RAB3C: variants seen among roughly 807,000 people sequenced by gnomAD.
The protein encoded by RAB3C is ras-related protein Rab-3C.
A neutral mutation model predicts 26.4 loss-of-function variants in RAB3C; 17 were observed. The observed-to-expected ratio is 0.64, with a 90% CI of 0.44 to 0.97. The LOEUF is 0.97. Ranked by LOEUF, RAB3C falls within the 50% of genes least tolerant of loss-of-function variation. The pLI is 0.00. For missense variants in RAB3C, 242 were observed against 281.9 expected (o/e 0.86, Z 1.01); for synonymous variants, 91 against 95.9 (o/e 0.95, Z 0.30).
chr5:58,763,679 CT>C (rs1487517738), intron 3 of RAB3C, among the ~76,000 whole-genome samples: 3 of 152,220 alleles, frequency 2.0e-5, no homozygotes, highest in African/African-American at 7.2e-5. Flanking sequence ...GCAGTTCCCC[CT>C]TCCCTGGTTT....
intron 2 of RAB3C, among the ~76,000 whole-genome samples, chr5:58,722,708 A>G (rs1353807853): frequency 6.6e-6 from 1 of 151,818 alleles, no homozygotes. Flanking sequence ...TCACAGCTGG[A>G]TATACTGCTA....
chr5:58,605,837 A>G (rs1746553998), intron 1 of RAB3C, among the ~76,000 whole-genome samples: 1 of 152,152 alleles, frequency 6.6e-6, no homozygotes, highest in East Asian at 1.9e-4. Flanking sequence ...CCCGGGAGGT[A>G]GAGGTTGCGG....
At chr5:58,785,575 A>C (rs539870940) in intron 3 of RAB3C, among the ~76,000 whole-genome samples, 2 of 152,274 alleles carry the variant, frequency 1.3e-5, no homozygotes, top group South Asian at 4.2e-4. Flanking sequence ...TGGCTAGAGA[A>C]CTCACATTTC....
intron 3 of RAB3C, among the ~76,000 whole-genome samples, chr5:58,788,942 TC>T (rs1005197474): frequency 2.0e-5 from 3 of 152,042 alleles, no homozygotes; most frequent in African/African-American, 7.2e-5. Context: ...ATGATACCAC[TC>T]AGACGAAGGG....
At chr5:58,699,352 G>A (rs1192719491) in intron 2 of RAB3C, among the ~76,000 whole-genome samples, 1 of 152,228 alleles carries the variant, frequency 6.6e-6, no homozygotes, top group Admixed American at 6.5e-5. Context: ...TCCCAGAGGA[G>A]CAGCCACCTA....
chr5:58,715,897 A>T (rs774091730), intron 2 of RAB3C, among the ~76,000 whole-genome samples: 3 of 152,074 alleles, frequency 2.0e-5, no homozygotes, highest in Non-Finnish European at 2.9e-5. Context: ...ATGCCCTGGA[A>T]GAGTGAATTT....
intron 2 of RAB3C, among the ~76,000 whole-genome samples, chr5:58,684,605 ATCT>A (rs993575036): frequency 4.6e-5 from 7 of 152,190 alleles, no homozygotes; most frequent in Non-Finnish European, 1.0e-4. Flanking sequence ...AAGGTAAAGG[ATCT>A]TCTTAATGGA....
At chr5:58,754,671 C>T (rs904360169) in intron 3 of RAB3C, among the ~76,000 whole-genome samples, 1 of 152,160 alleles carries the variant, frequency 6.6e-6, no homozygotes, top group African/African-American at 2.4e-5. Context: ...AACCACAGCA[C>T]CAAAGAGGAA....
At chr5:58,788,715 T>C (rs1742451518) in intron 3 of RAB3C, among the ~76,000 whole-genome samples, 1 of 152,174 alleles carries the variant, frequency 6.6e-6, no homozygotes, top group South Asian at 2.1e-4. Flanking sequence ...ATAATGTTCT[T>C]TTCTAAGTAA....
At chr5:58,696,343 T>C (rs1031180243) in intron 2 of RAB3C, among the ~76,000 whole-genome samples, 1 of 152,216 alleles carries the variant, frequency 6.6e-6, no homozygotes, top group African/African-American at 2.4e-5. Context: ...TATTGAGGAT[T>C]TTTCCATCGA....
intron 3 of RAB3C, among the ~76,000 whole-genome samples, chr5:58,785,693 C>T (rs994326): frequency 0.54 from 81,669 of 152,076 alleles, 22,239 homozygotes; most frequent in South Asian, 0.63. Flanking sequence ...ATCTCTAGGA[C>T]CTGTGAATGT....
intron 3 of RAB3C, among the ~76,000 whole-genome samples, chr5:58,792,713 G>A (rs1742556536): frequency 6.6e-6 from 1 of 151,846 alleles, no homozygotes; most frequent in African/African-American, 2.4e-5. Context: ...ATTGTGATGT[G>A]GAATGAATAA....
intron 3 of RAB3C, among the ~76,000 whole-genome samples, chr5:58,797,546 T>C (rs1742701438): frequency 6.6e-6 from 1 of 151,712 alleles, no homozygotes. Flanking sequence ...TTGGAAAAGA[T>C]AAACGTCCTC....
chr5:58,724,700 A>G (rs548572932), intron 2 of RAB3C, among the ~76,000 whole-genome samples: 8 of 151,958 alleles, frequency 5.3e-5, no homozygotes, highest in Non-Finnish European at 1.2e-4. Flanking sequence ...AGAATTTTTC[A>G]GAATATTGCA....
chr5:58,748,174 A>G (rs1410375142), intron 3 of RAB3C, among the ~76,000 whole-genome samples: 2 of 146,416 alleles, frequency 1.4e-5, no homozygotes, highest in Non-Finnish European at 3.0e-5. Flanking sequence ...CATTACCCAG[A>G]AAGAATTTCA....
At chr5:58,661,203 TG>T (rs1747899476) in intron 2 of RAB3C, among the ~76,000 whole-genome samples, 1 of 150,326 alleles carries the variant, frequency 6.7e-6, no homozygotes, top group African/African-American at 2.5e-5. Flanking sequence ...TCATGTCTCA[TG>T]GGCTTTTCAT....
At chr5:58,694,751 C>T (rs908567249) in intron 2 of RAB3C, among the ~76,000 whole-genome samples, 1 of 152,184 alleles carries the variant, frequency 6.6e-6, no homozygotes, top group Non-Finnish European at 1.5e-5. Flanking sequence ...AGTGTCTGTT[C>T]ATATCCTTTG....
intron 2 of RAB3C, among the ~76,000 whole-genome samples, chr5:58,630,100 G>C (rs564774962): frequency 6.6e-6 from 1 of 152,204 alleles, no homozygotes; most frequent in Non-Finnish European, 1.5e-5. Context: ...CAGCAAGAGA[G>C]ATAGCACAAG....
At chr5:58,645,544 C>T (rs1268631870) in intron 2 of RAB3C, among the ~76,000 whole-genome samples, 1 of 152,200 alleles carries the variant, frequency 6.6e-6, no homozygotes, top group Non-Finnish European at 1.5e-5. Context: ...CCGTCATGAA[C>T]ATCCACCCTT....
Sources: gnomAD v4.1 joint callset for allele counts (sites outside exome capture counted in the v4.1 genomes callset) on GRCh38, gnomAD v4.1.1 for gene constraint, MANE v1.5 for transcripts, NCBI Gene and HGNC (gene_info 2026-07-23, HGNC 2026-07-21) for gene names.